PARD3: variants seen among roughly 807,000 people sequenced by gnomAD.
PARD3 encodes par-3 family cell polarity regulator.
PARD3 carries 75 observed loss-of-function variants against 155.4 expected under a neutral mutation model. The observed-to-expected ratio is 0.48, with a 90% CI of 0.40 to 0.58. The LOEUF is 0.58. Among genes scored for constraint, PARD3 ranks in the 20% least tolerant of loss-of-function variants. The pLI is 0.00. For synonymous variants in PARD3, 576 were observed against 610.5 expected (o/e 0.94, Z 0.83); for missense variants, 1,642 against 1,721.7 (o/e 0.95, Z 0.82).
intron 1 of PARD3, among the ~76,000 whole-genome samples, chr10:34,794,777 G>A (rs1214260286): frequency 6.6e-6 from 1 of 152,206 alleles, no homozygotes; most frequent in African/African-American, 2.4e-5. Flanking sequence ...AGCTTCAAAA[G>A]TTCAGGACAT....
chr10:34,353,731 AT>A (rs1262499884), intron 14 of PARD3, among the ~76,000 whole-genome samples: 5 of 150,554 alleles, frequency 3.3e-5, no homozygotes, highest in Non-Finnish European at 7.4e-5. Context: ...AAATAAAAAA[AT>A]AAATAAATAA....
chr10:34,510,936 G>A (rs1186595462), intron 3 of PARD3, among the ~76,000 whole-genome samples: 2 of 152,108 alleles, frequency 1.3e-5, no homozygotes, highest in Admixed American at 6.5e-5. Flanking sequence ...TGCCCAATTT[G>A]TGTTTTATTC....
At chr10:34,758,991 T>G (rs7906411) in intron 1 of PARD3, among the ~76,000 whole-genome samples, 3 of 151,720 alleles carry the variant, frequency 2.0e-5, no homozygotes, top group Non-Finnish European at 4.4e-5. Context: ...ACAAAAAGAA[T>G]AGAAAGAGGC....
intron 2 of PARD3, among the ~76,000 whole-genome samples, chr10:34,531,664 C>T (rs1199637971): frequency 6.6e-6 from 1 of 152,124 alleles, no homozygotes; most frequent in African/African-American, 2.4e-5. Context: ...ACACTGGATT[C>T]ATTTATCTTG....
At chr10:34,646,488 G>C (rs1318697404) in intron 2 of PARD3, among the ~76,000 whole-genome samples, 1 of 152,128 alleles carries the variant, frequency 6.6e-6, no homozygotes, top group Non-Finnish European at 1.5e-5. Context: ...ACTGCAAACA[G>C]ATTAATATCA....
Position 34,651,190 on chromosome 10 carries a change from T to C in PARD3, c.222+45128A>G, listed in dbSNP as rs73269426. 7.4e-3 allele frequency among the ~76,000 whole-genome samples: 1,131 copies of C among 152,252 alleles called. 14 individuals carry two copies. The highest frequency in any genetic ancestry group is 0.026 in the African/African-American group (1,076 of 41,552). On this transcript the variant is annotated intron_variant, in intron 2 of 24. Coordinates refer to ENST00000374788, the MANE Select transcript of PARD3 (RefSeq NM_001184785.2). ...AAAATTACATGGTCCCAGCATCACT[T>C]TGACAAAAATTAGATTTTTGCTCCA...
At chr10:34,464,292 G>C (rs981629577) in intron 4 of PARD3, among the ~76,000 whole-genome samples, 1 of 152,036 alleles carries the variant, frequency 6.6e-6, no homozygotes, top group African/African-American at 2.4e-5. Context: ...AAGCTATCTA[G>C]TAAGACAGTA....
chr10:34,365,754 ATTTTTATG>A (rs1023376615), intron 12 of PARD3, among the ~76,000 whole-genome samples: 14 of 152,124 alleles, frequency 9.2e-5, no homozygotes, highest in Non-Finnish European at 1.8e-4. Flanking sequence ...CACCTGGCTA[ATTTTTATG>A]TTTTTAGTAG....
intron 23 of PARD3, among the ~76,000 whole-genome samples, chr10:34,123,429 T>TA (rs1330606552): frequency 6.7e-6 from 1 of 149,290 alleles, no homozygotes; most frequent in African/African-American, 2.5e-5. Context: ...TTTTCCACAG[T>TA]TTTTTTTTTA....
At chr10:34,760,165 T>C (rs1837256652) in intron 1 of PARD3, among the ~76,000 whole-genome samples, 1 of 142,164 alleles carries the variant, frequency 7.0e-6, no homozygotes, top group African/African-American at 2.6e-5. Context: ...CCAATCTACC[T>C]TTTTTTGGCA....
intron 1 of PARD3, among the ~76,000 whole-genome samples, chr10:34,810,832 C>A (rs1206937027): frequency 1.3e-5 from 2 of 152,138 alleles, no homozygotes; most frequent in Non-Finnish European, 2.9e-5. Flanking sequence ...CTTACATTAA[C>A]CCTGCCAGGG....
chr10:34,508,403 G>A (rs988988311), intron 3 of PARD3, among the ~76,000 whole-genome samples: 1 of 152,072 alleles, frequency 6.6e-6, no homozygotes, highest in Non-Finnish European at 1.5e-5. Flanking sequence ...ATTTTCAAAG[G>A]AAACTTCATT....
chr10:34,640,038 A>C (rs901664863), intron 2 of PARD3, among the ~76,000 whole-genome samples: 29 of 152,210 alleles, frequency 1.9e-4, no homozygotes, highest in Non-Finnish European at 3.8e-4. Flanking sequence ...ACCTCCCAAG[A>C]TTCTATATTC....
At chr10:34,280,025 A>G (rs1000164470) in intron 21 of PARD3, among the ~76,000 whole-genome samples, 2 of 152,230 alleles carry the variant, frequency 1.3e-5, no homozygotes, top group Admixed American at 6.5e-5. Flanking sequence ...ATAGCTTTCA[A>G]TGGCTGAATA....
intron 22 of PARD3, among the ~76,000 whole-genome samples, chr10:34,251,001 A>G (rs1423712408): frequency 6.6e-6 from 1 of 152,194 alleles, no homozygotes; most frequent in Non-Finnish European, 1.5e-5. Flanking sequence ...CTCTAATATC[A>G]TAAACCTCTT....
At chr10:34,526,046 C>T in intron 2 of PARD3, among the ~76,000 whole-genome samples, 1 of 133,284 alleles carries the variant, frequency 7.5e-6, no homozygotes, top group African/African-American at 2.8e-5. Flanking sequence ...CGCACCACTG[C>T]ACTTCAGCCT....
At chr10:34,790,719 T>C (rs1841523663) in intron 1 of PARD3, among the ~76,000 whole-genome samples, 1 of 152,224 alleles carries the variant, frequency 6.6e-6, no homozygotes, top group South Asian at 2.1e-4. Flanking sequence ...TTCCAGCAAA[T>C]GTATCCTAAT....
chr10:34,598,339 A>G (rs531156530), intron 2 of PARD3, among the ~76,000 whole-genome samples: 2 of 152,350 alleles, frequency 1.3e-5, no homozygotes, highest in East Asian at 1.9e-4. Flanking sequence ...GGAATTTTAA[A>G]TATAAATAAA....
chr10:34,485,678 T>C lies in PARD3; in HGVS notation c.404-15415A>G, dbSNP rs1347490288. ...GTTGTGGAGCCCAAGGTTCTTACTA[T>C]GCAGATGAAACCTCCAGGTAGCAGG... On this transcript the variant is annotated intron_variant, in intron 3 of 24. Coordinates refer to ENST00000374788, the MANE Select transcript of PARD3 (RefSeq NM_001184785.2). Among the ~76,000 whole-genome samples the C allele has an allele frequency of 3.3e-5, 5 of 152,156 alleles. No homozygotes were observed. In the East Asian group the frequency reaches 7.7e-4, roughly 23 times the overall value.
Sources: allele counts gnomAD v4.1 joint callset (sites outside exome capture counted in the v4.1 genomes callset), GRCh38; gene constraint gnomAD v4.1.1; transcripts MANE v1.5; gene names NCBI Gene and HGNC (gene_info 2026-07-23, HGNC 2026-07-21).